HNF4G: variants seen among roughly 807,000 people sequenced by gnomAD.
The protein encoded by HNF4G is hepatocyte nuclear factor 4 gamma, also known as hepatocyte nuclear factor 4-gamma.
Under a neutral mutation model 50.9 loss-of-function variants are expected in HNF4G, and 21 were observed. The ratio of observed to expected loss-of-function variants is 0.41; its 90% CI spans 0.29 to 0.59. The LOEUF is 0.59. Among genes scored for constraint, HNF4G ranks in the 20% least tolerant of loss-of-function variants. The pLI, the probability that HNF4G is intolerant of heterozygous loss-of-function variation, is 0.26. For missense variants in HNF4G, 527 were observed against 559.4 expected (o/e 0.94, Z 0.58); for synonymous variants, 198 against 185.6 (o/e 1.07, Z -0.54).
intron 2 of HNF4G, among the ~76,000 whole-genome samples, chr8:75,508,120 A>G (rs191714108): frequency 2.0e-5 from 3 of 152,174 alleles, no homozygotes; most frequent in African/African-American, 7.2e-5. Context: ...AGGAATAGAC[A>G]AACAGAATAT....
intron 1 of HNF4G, among the ~76,000 whole-genome samples, chr8:75,459,924 A>C (rs900100663): frequency 1.3e-5 from 2 of 152,164 alleles, no homozygotes; most frequent in African/African-American, 2.4e-5. Context: ...TTACATATTA[A>C]ATCATTTTTC....
intron 1 of HNF4G, among the ~76,000 whole-genome samples, chr8:75,417,243 C>T (rs960899990): frequency 2.6e-5 from 4 of 152,200 alleles, no homozygotes; most frequent in Admixed American, 2.0e-4. Context: ...TCACTGTAGC[C>T]TCAAACTCCT....
Position 75,560,345 on chromosome 8 carries a change from G to T in HNF4G, c.1125G>T (p.Gly375=), listed in dbSNP as rs779351340. 3.7e-6 allele frequency: 6 copies of T among 1,612,658 alleles called. No individual in the cohort carries two copies. In the East Asian group the frequency reaches 1.1e-4, roughly 30 times the overall value. The change falls in exon 9 of 10, where the codon GGG becomes GGT. Residue 375 remains glycine, a splice_region_variant and synonymous_variant. Coordinates refer to ENST00000396423, the MANE Select transcript of HNF4G (RefSeq NM_004133.5). Reference sequence around the variant, plus strand: ...ACAGCATCTTTTTATCTTTTGTAGGGGCTTCCAATGATGGCAGTCATCTCC... The same window carrying T: ...ACAGCATCTTTTTATCTTTTGTAGGTGCTTCCAATGATGGCAGTCATCTCC... ...DNLLQEMLLG[G]ASNDGSHLHH... is the part of the protein sequence containing the mutation.
chr8:75,512,686 G>A lies in HNF4G; in HGVS notation c.-24+22478G>A, dbSNP rs988613340. The stretch of plus-strand genomic sequence containing the variant: ...TCACTGTGTTAGCCAGGATGGTCTC[G>A]ATATCCTGACCTCGAGATCCGCCCG... On this transcript the variant is annotated intron_variant, in intron 2 of 10. Coordinates refer to the HNF4G transcript ENST00000354370. 2.0e-5 allele frequency among the ~76,000 whole-genome samples: 3 copies of A among 151,934 alleles called. No homozygotes were observed. The East Asian group carries it at 5.8e-4, about 30-fold the overall frequency.
At chr8:75,457,991 G>A (rs1811761429) in intron 1 of HNF4G, among the ~76,000 whole-genome samples, 1 of 151,944 alleles carries the variant, frequency 6.6e-6, no homozygotes, top group Non-Finnish European at 1.5e-5. Flanking sequence ...TTAATTTTTT[G>A]TAGAGGCAAA....
intron 2 of HNF4G, among the ~76,000 whole-genome samples, chr8:75,500,173 C>T (rs2130702984): frequency 6.6e-6 from 1 of 152,070 alleles, no homozygotes; most frequent in African/African-American, 2.4e-5. Flanking sequence ...TACACTGCAG[C>T]AACAATACAA....
intron 2 of HNF4G, among the ~76,000 whole-genome samples, chr8:75,527,900 T>G (rs1806225306): frequency 6.6e-6 from 1 of 152,258 alleles, no homozygotes; most frequent in African/African-American, 2.4e-5. Flanking sequence ...ATTTAAACAA[T>G]GCTTCTTGAG....
intron 2 of HNF4G, among the ~76,000 whole-genome samples, chr8:75,514,382 T>G (rs1301574669): frequency 6.7e-6 from 1 of 148,166 alleles, no homozygotes; most frequent in Non-Finnish European, 1.5e-5. Flanking sequence ...TTTTTTTTTT[T>G]GTTGTTGTTG....
chr8:75,539,310 T>C (rs1806547700), upstream of HNF4G, among the ~76,000 whole-genome samples: 2 of 152,140 alleles, frequency 1.3e-5, no homozygotes, highest in African/African-American at 4.8e-5. Context: ...GGCCTATAAA[T>C]AGATAATTAA....
At chr8:75,560,194 C>A (rs1251336726) in intron 8 of HNF4G, 150 bp from the exon 9 acceptor site, 1 of 652,238 alleles carries the variant, frequency 1.5e-6, no homozygotes, top group Non-Finnish European at 2.6e-6. Flanking sequence ...TCTTAATATG[C>A]CAGTGGTTCT....
At position 75,540,083 on chromosome 8, in the gene HNF4G, G is replaced by A; in HGVS notation, c.118+3G>A. 1 of 1,450,760 alleles carries A rather than the reference G, an allele frequency of 6.9e-7. No individual in the cohort carries two copies. Among genetic ancestry groups the A allele is most frequent in the Non-Finnish European group, 9.7e-7 (1 of 1,032,152 alleles). The allele number at this position is 1,450,760 out of a possible 1,614,324, so 89.9% of individuals were successfully genotyped here. ...GCAGATTCTATATAATTCAAGTGGT[G>A]AGTTATCATCTGTTTATAGATGTAA... On this transcript the variant is annotated splice_donor_region_variant and intron_variant, in intron 1 of 9. Transcript: ENST00000396423.
chr8:75,500,653 A>G (rs1264288663), intron 2 of HNF4G, among the ~76,000 whole-genome samples: 3 of 152,176 alleles, frequency 2.0e-5, no homozygotes, highest in African/African-American at 4.8e-5. Context: ...AAAATGGGTT[A>G]TATTCATATA....
rs187906437 is a variant in HNF4G, at chr8:75,418,852, C to T, written c.-144+10690C>T. Among the ~76,000 whole-genome samples the T allele has an allele frequency of 4.6e-3, 699 of 151,886 alleles. 1 individual carries two copies. The highest frequency in any genetic ancestry group is 7.4e-3 in the Non-Finnish European group (506 of 67,920). On this transcript the variant is annotated intron_variant, in intron 1 of 10. Transcript: ENST00000354370. ...AAGCGATTTTCCTGCCTCAGCCTCCCGAGTAGCTGGGACTACAGGCATGAG... is the reference window on the plus strand; with the variant it reads ...AAGCGATTTTCCTGCCTCAGCCTCCTGAGTAGCTGGGACTACAGGCATGAG...
intron 2 of HNF4G, among the ~76,000 whole-genome samples, chr8:75,495,744 G>A (rs538001189): frequency 2.0e-5 from 3 of 151,906 alleles, no homozygotes; most frequent in African/African-American, 7.2e-5. Flanking sequence ...CACCATGTTG[G>A]CCAGTCTGGT....
chr8:75,522,733 T>G (rs1040381157), intron 2 of HNF4G, among the ~76,000 whole-genome samples: 5 of 152,188 alleles, frequency 3.3e-5, no homozygotes, highest in African/African-American at 1.2e-4. Context: ...CATCTGCCAT[T>G]GGAAACCACT....
chr8:75,546,685 G>A (rs1806790084), intron 2 of HNF4G, among the ~76,000 whole-genome samples: 1 of 152,032 alleles, frequency 6.6e-6, no homozygotes, highest in Non-Finnish European at 1.5e-5. Context: ...CCCTGTTATA[G>A]CATTTATCAG....
intron 1 of HNF4G, among the ~76,000 whole-genome samples, chr8:75,479,978 C>G (rs1430140770): frequency 1.7e-5 from 2 of 119,068 alleles, no homozygotes; most frequent in Non-Finnish European, 3.2e-5. Flanking sequence ...GAAAAACAAC[C>G]TTAACTTTTT....
chr8:75,555,730 C>CTTT (rs59730048), intron 5 of HNF4G, among the ~76,000 whole-genome samples: 1 of 140,476 alleles, frequency 7.1e-6, no homozygotes, highest in African/African-American at 2.6e-5. Flanking sequence ...AACTTGTCTG[C>CTTT]TTTTTTTTTT....
intron 1 of HNF4G, among the ~76,000 whole-genome samples, chr8:75,456,085 A>T (rs1052237142): frequency 2.6e-5 from 4 of 152,112 alleles, no homozygotes; most frequent in African/African-American, 7.2e-5. Context: ...ATAGCTGGGG[A>T]CGTCTTTGTT....
Sources: gnomAD v4.1 joint callset for allele counts (sites outside exome capture counted in the v4.1 genomes callset) on GRCh38, gnomAD v4.1.1 for gene constraint, MANE v1.5 for transcripts, NCBI Gene and HGNC (gene_info 2026-07-23, HGNC 2026-07-21) for gene names.